Variants in SNRPN observed in about 807,000 individuals in gnomAD.
The protein encoded by SNRPN is small nuclear ribonucleoprotein polypeptide N, also known as small nuclear ribonucleoprotein-associated protein N.
In SNRPN, 7 loss-of-function variants were observed where a neutral mutation model predicts 25.2. The ratio of observed to expected loss-of-function variants is 0.28; its 90% CI spans 0.16 to 0.52. SNRPN has a LOEUF of 0.52. Among genes scored for constraint, SNRPN ranks in the 20% least tolerant of loss-of-function variants. SNRPN has a pLI of 0.96. For synonymous variants in SNRPN, 124 were observed against 110.6 expected (o/e 1.12, Z -0.76); for missense variants, 196 against 322.5 (o/e 0.61, Z 3.00).
At chr15:24,975,275 G>A in intron 4 of SNRPN, 83 bp from the exon 5 acceptor site, 3 of 1,078,812 alleles carry the variant, frequency 2.8e-6, no homozygotes, top group Non-Finnish European at 4.1e-6. Context: ...CTTAGATTAT[G>A]TAAGGGTGGA....
chr15:24,831,277 A>T (rs976972826), intron 2 of SNRPN, among the ~76,000 whole-genome samples: 1 of 152,004 alleles, frequency 6.6e-6, no homozygotes, highest in Non-Finnish European at 1.5e-5. Flanking sequence ...ACTGTTAGCA[A>T]GGTACATTTT....
At chr15:24,919,949 T>C (rs1317331670) in intron 2 of SNRPN, 1 of 152,210 alleles carries the variant, frequency 6.6e-6, no homozygotes, top group African/African-American at 2.4e-5. Context: ...AACTTCTAGA[T>C]ACATGTACTT....
At chr15:24,909,426 C>G in intron 2 of SNRPN, 2 of 1,593,572 alleles carry the variant, frequency 1.3e-6, no homozygotes. Flanking sequence ...TCAATGCTTT[C>G]CACAATGTAT....
intron 2 of SNRPN, among the ~76,000 whole-genome samples, chr15:24,895,267 G>T (rs949674800): frequency 1.3e-5 from 2 of 152,154 alleles, no homozygotes; most frequent in African/African-American, 4.8e-5. Flanking sequence ...TCAGCGAAAG[G>T]TGAGAAAGTC....
chr15:24,948,466 G>T (rs748923106), intron 3 of SNRPN, among the ~76,000 whole-genome samples: 1 of 152,010 alleles, frequency 6.6e-6, no homozygotes, highest in Non-Finnish European at 1.5e-5. Context: ...GTTCCCATGT[G>T]TCTCATATGT....
At chr15:24,868,662 C>T (rs2054818309) in intron 1 of SNRPN, among the ~76,000 whole-genome samples, 10 of 152,154 alleles carry the variant, frequency 6.6e-5, no homozygotes, top group Admixed American at 6.5e-4. Flanking sequence ...GCAACAGTTT[C>T]TCAGTGTTCA....
intron 2 of SNRPN, chr15:24,909,648 C>A: frequency 8.1e-7 from 1 of 1,227,278 alleles, no homozygotes; most frequent in Non-Finnish European, 1.2e-6. Context: ...CAAATGATAT[C>A]TCTGTTTGTT....
At chr15:24,922,142 G>C (rs993084218) in intron 3 of SNRPN, among the ~76,000 whole-genome samples, 1 of 152,142 alleles carries the variant, frequency 6.6e-6, no homozygotes, top group African/African-American at 2.4e-5. Context: ...GAACCTGGGA[G>C]GCGGAGGTTG....
intron 4 of SNRPN, chr15:24,974,717 AT>A: frequency 1.6e-6 from 1 of 607,372 alleles, no homozygotes; most frequent in Non-Finnish European, 2.9e-6. Flanking sequence ...GGTTCAAGAG[AT>A]TCTCGTGCCT....
At chr15:24,908,472 T>C (rs1242200600) in intron 2 of SNRPN, among the ~76,000 whole-genome samples, 2 of 152,118 alleles carry the variant, frequency 1.3e-5, no homozygotes, top group East Asian at 1.9e-4. Context: ...GTGAACAGAA[T>C]GTTAGAAAGA....
intron 2 of SNRPN, among the ~76,000 whole-genome samples, chr15:24,888,788 T>C (rs915763954): frequency 6.6e-6 from 1 of 152,214 alleles, no homozygotes; most frequent in Non-Finnish European, 1.5e-5. Flanking sequence ...AAGAACAACG[T>C]ACTGCAATCA....
intron 1 of SNRPN, among the ~76,000 whole-genome samples, chr15:24,873,760 A>C (rs2055504748): frequency 6.6e-6 from 1 of 151,914 alleles, no homozygotes; most frequent in Non-Finnish European, 1.5e-5. Flanking sequence ...TCTTCTTTTT[A>C]TGGTCTGAAA....
intron 3 of SNRPN, among the ~76,000 whole-genome samples, chr15:24,933,020 G>A (rs1467793979): frequency 1.3e-5 from 2 of 151,996 alleles, no homozygotes; most frequent in African/African-American, 4.8e-5. Flanking sequence ...CCAGCGCTTT[G>A]GGAGGCTGGG....
intron 3 of SNRPN, among the ~76,000 whole-genome samples, chr15:24,972,993 T>G (rs1452840052): frequency 6.6e-6 from 1 of 152,160 alleles, no homozygotes; most frequent in Non-Finnish European, 1.5e-5. Flanking sequence ...TTTCAAGCGA[T>G]TCTCCTGCCT....
chr15:24,850,041 G>C (rs2052669900), intron 2 of SNRPN: 1 of 152,176 alleles, frequency 6.6e-6, no homozygotes, highest in African/African-American at 2.4e-5. Context: ...GGCATGAACA[G>C]AGATGGTAAT....
At chr15:24,960,789 A>G (rs559580602) in intron 1 of SNRPN, among the ~76,000 whole-genome samples, 1 of 152,284 alleles carries the variant, frequency 6.6e-6, no homozygotes, top group East Asian at 1.9e-4. Flanking sequence ...TTGAAAAAAT[A>G]CTTTTTTGAG....
intron 2 of SNRPN, among the ~76,000 whole-genome samples, chr15:24,915,344 T>A (rs1319611907): frequency 6.6e-6 from 1 of 152,132 alleles, no homozygotes; most frequent in African/African-American, 2.4e-5. Flanking sequence ...GTCAGGCTGG[T>A]CTCAAACTCC....
intron 3 of SNRPN, among the ~76,000 whole-genome samples, chr15:24,932,224 T>G (rs1278566332): frequency 6.6e-6 from 1 of 152,196 alleles, no homozygotes; most frequent in African/African-American, 2.4e-5. Flanking sequence ...AGGCCAGGGT[T>G]AAGACTGACT....
chr15:24,909,455 A>G, intron 2 of SNRPN: 1 of 1,586,596 alleles, frequency 6.3e-7, no homozygotes, highest in Non-Finnish European at 8.6e-7. Flanking sequence ...AGTCACCTCC[A>G]CTTGGCCTTC....
Sources: allele counts gnomAD v4.1 joint callset (sites outside exome capture counted in the v4.1 genomes callset), GRCh38; gene constraint gnomAD v4.1.1; transcripts MANE v1.5; gene names NCBI Gene and HGNC (gene_info 2026-07-23, HGNC 2026-07-21).